Variants in APMAP observed in about 807,000 individuals in gnomAD.
The protein encoded by APMAP is adipocyte plasma membrane-associated protein.
A neutral mutation model predicts 43.6 loss-of-function variants in APMAP; 33 were observed. The ratio of observed to expected loss-of-function variants is 0.76; its 90% CI spans 0.57 to 1.01. The LOEUF is 1.01. APMAP is among the 50% of genes least tolerant of loss of function. The pLI, the probability that APMAP is intolerant of heterozygous loss-of-function variation, is 0.00. For synonymous variants in APMAP, 224 were observed against 216.7 expected, an observed-to-expected ratio of 1.03 and a Z score of -0.30; for missense variants, 498 against 540.7, an observed-to-expected ratio of 0.92 and a Z score of 0.78.
chr20:24,964,088 G>C, intron 8 of APMAP, 66 bp from the exon 9 acceptor site: 1 of 1,517,512 alleles, frequency 6.6e-7, no homozygotes, highest in Non-Finnish European at 9.1e-7. Flanking sequence ...CAGATCAACC[G>C]TGCCGCCCCC....
At chr20:24,966,266 G>A (rs2122479727) in intron 8 of APMAP, among the ~76,000 whole-genome samples, 1 of 152,354 alleles carries the variant, frequency 6.6e-6, no homozygotes, top group South Asian at 2.1e-4. Flanking sequence ...CCTGGCCACA[G>A]ATGGGTAATT....
rs1160513816 is a variant in APMAP, at chr20:24,963,560, A to G, written c.*253T>C. Reference sequence around the variant, plus strand: ...CTTAGAAAGTTTTGTTTTGTTTAAGAGAAAATGGCTTTACATGAATTTATG... The same window carrying G: ...CTTAGAAAGTTTTGTTTTGTTTAAGGGAAAATGGCTTTACATGAATTTATG... On this transcript the variant is annotated 3_prime_UTR_variant, in exon 9 of 9. Coordinates refer to ENST00000217456, the MANE Select transcript of APMAP (RefSeq NM_020531.3). 9.5e-6 allele frequency: 5 copies of G among 524,292 alleles called. No homozygotes were observed. The highest frequency in any genetic ancestry group is 9.5e-5 in the African/African-American group (5 of 52,436). The allele number at this position is 524,292 out of a possible 1,614,324, so 32.5% of individuals were successfully genotyped here.
chr20:24,971,638 G>A (rs1215294434), intron 4 of APMAP, 62 bp from the exon 5 acceptor site: 1 of 1,336,352 alleles, frequency 7.5e-7, no homozygotes, highest in Non-Finnish European at 1.1e-6. Context: ...GCTGTTCTCA[G>A]TATCCAAGCA....
chr20:24,989,307 CA>C (rs1437064718), intron 1 of APMAP, among the ~76,000 whole-genome samples: 1 of 152,092 alleles, frequency 6.6e-6, no homozygotes, highest in Non-Finnish European at 1.5e-5. Flanking sequence ...AGGACATCTG[CA>C]CCCTGAAATT....
chr20:24,969,672 CA>C lies in APMAP; in HGVS notation c.714-13del. 6.2e-7 allele frequency: 1 copy of C among 1,606,416 alleles called. No individual in the cohort carries two copies. Among genetic ancestry groups the C allele is most frequent in the Non-Finnish European group, 8.5e-7 (1 of 1,174,218 alleles). On this transcript the variant is annotated splice_polypyrimidine_tract_variant and intron_variant, in intron 6 of 8. Coordinates refer to ENST00000217456, the MANE Select transcript of APMAP (RefSeq NM_020531.3). ...CATACTCCAGCAGGCTGTGGAACAC[CA>C]AAAGCAGAGGGTTATGGGGGAGAAT...
intron 8 of APMAP, chr20:24,964,520 T>C (rs968579013): frequency 6.3e-5 from 29 of 462,032 alleles, no homozygotes; most frequent in African/African-American, 5.4e-4. Flanking sequence ...CCACACAACA[T>C]GGCTTCCAAA....
chr20:24,992,643 G>T lies in APMAP; in HGVS notation c.46C>A (p.Gln16Lys), dbSNP rs867456006. Residue 16 changes from glutamine (Q) to lysine (K), a missense_variant, in exon 1 of 9, where the codon CAG becomes AAG. Transcript: ENST00000217456. ...TGGCCATCATCGTCTGTGACGACCT[G>T]CGGCCGCAGGGGCCGGCGCTGTCGC... ...GLRQRRPLRPQVVTDDDGQAP... is the reference protein window; with the variant it reads ...GLRQRRPLRPKVVTDDDGQAP... The T allele has an allele frequency of 6.4e-7, 1 of 1,566,770 alleles. No individual in the cohort carries two copies. The highest frequency in any genetic ancestry group is 2.4e-5 in the East Asian group (1 of 41,432).
chr20:24,976,573 TCTCA>T (rs1464835800), intron 3 of APMAP, among the ~76,000 whole-genome samples: 8 of 152,338 alleles, frequency 5.3e-5, no homozygotes, highest in African/African-American at 1.4e-4. Flanking sequence ...CATCAGGAAC[TCTCA>T]CTAATTGTTA....
Position 24,979,679 on chromosome 20 carries a change from TCC to T in APMAP, c.213-799_213-798del, listed in dbSNP as rs1442308664. On this transcript the variant is annotated intron_variant, in intron 2 of 8. Coordinates refer to ENST00000217456, the MANE Select transcript of APMAP (RefSeq NM_020531.3). ...CTTGACCCCTGTAGTCTATTCTCAA[TCC>T]AGCAGCCATGCCGGATCATGACCTT... Among the ~76,000 whole-genome samples, 409 of 152,190 alleles carry T rather than the reference TCC, an allele frequency of 2.7e-3. 2 individuals are homozygous for T. Among genetic ancestry groups the T allele is most frequent in the African/African-American group, 9.6e-3 (398 of 41,514 alleles).
chr20:24,985,566 T>C (rs2088140289), intron 1 of APMAP, among the ~76,000 whole-genome samples: 2 of 152,174 alleles, frequency 1.3e-5, no homozygotes, highest in Non-Finnish European at 2.9e-5. Context: ...AGGACACTCA[T>C]TGTGTGGTAA....
At chr20:24,969,430 CCT>C in intron 7 of APMAP, 94 bp downstream of exon 7, 1 of 1,493,864 alleles carries the variant, frequency 6.7e-7, no homozygotes, top group East Asian at 2.3e-5. Context: ...TGCGCTGCTG[CCT>C]CTGATTTCTG....
chr20:24,970,957 G>C (rs774044683), intron 5 of APMAP, among the ~76,000 whole-genome samples: 1 of 152,074 alleles, frequency 6.6e-6, no homozygotes, highest in Admixed American at 6.5e-5. Context: ...GGGCCCCCAC[G>C]CACAAGACAA....
Position 24,983,940 on chromosome 20 carries a change from T to G in APMAP, c.175A>C (p.Met59Leu). The G allele has an allele frequency of 1.2e-6, 2 of 1,613,864 alleles. No homozygotes were observed. The highest frequency in any genetic ancestry group is 1.3e-5 in the African/African-American group (1 of 74,998). ...GGATCTATAGGAGATTCCAGCAGCA[T>G]CATGGCTCCAAGCAGGGGAACGGTG... ...SLTVPLLGAM[M>L]LLESPIDPQP... The change falls in exon 2 of 9, where the codon ATG becomes CTG. Residue 59 changes from methionine to leucine, a missense_variant. Coordinates refer to ENST00000217456, the MANE Select transcript of APMAP (RefSeq NM_020531.3).
At chr20:24,986,955 G>A (rs796814861) in intron 1 of APMAP, among the ~76,000 whole-genome samples, 6 of 152,308 alleles carry the variant, frequency 3.9e-5, no homozygotes, top group African/African-American at 1.4e-4. Context: ...CCTATTCTAG[G>A]CATTTCATAT....
Position 24,968,965 on chromosome 20 carries a change from A to G in APMAP, c.968T>C (p.Ile323Thr). ...CATGGAAAACCCAGGGTTAGGGCGG[A>G]TGGTCGACATGCCCACCCAGTACCC... ...SGGYWVGMST[I>T]RPNPGFSMLD... Residue 323 changes from isoleucine to threonine, a missense_variant, in exon 8 of 9, where the codon ATC becomes ACC. Physicochemically the swap from Ile to Thr is moderately conservative, Grantham distance 89 (BLOSUM62 -1). Transcript: ENST00000217456. 1 of 1,613,966 alleles carries G rather than the reference A, an allele frequency of 6.2e-7. No homozygotes were observed. The highest frequency in any genetic ancestry group is 8.5e-7 in the Non-Finnish European group (1 of 1,179,954).
At position 24,963,024 on chromosome 20, in the gene APMAP, T is replaced by C. The variant is rs1202479142; in HGVS notation, c.*789A>G. On this transcript the variant is annotated 3_prime_UTR_variant, in exon 9 of 9. Transcript: ENST00000217456. The stretch of plus-strand genomic sequence containing the variant: ...AAAATATACAGCAACTTGGGGCTTA[T>C]AACACATGAGCAAAGATGACATTAA... 3.9e-5 allele frequency: 6 copies of C among 152,204 alleles called. No homozygotes were observed. The East Asian group carries it at 1.2e-3, about 29-fold the overall frequency. 9.4% of individuals were successfully genotyped at this position (152,204 alleles called of 1,614,324 possible).
chr20:24,992,514 T>C (rs2088202892), intron 1 of APMAP, 80 bp downstream of exon 1: 1 of 1,179,442 alleles, frequency 8.5e-7, no homozygotes, highest in African/African-American at 1.6e-5. Flanking sequence ...TTACTGTTAC[T>C]GCCGTCGCCG....
Position 24,965,606 on chromosome 20 carries a change from T to A in APMAP, c.1042-1584A>T, listed in dbSNP as rs1052802644. 5.9e-5 allele frequency among the ~76,000 whole-genome samples: 9 copies of A among 152,070 alleles called. 1 individual carries two copies. The highest frequency in any genetic ancestry group is 2.4e-5 in the African/African-American group (1 of 41,408). ...CCACAGTGAGGCCCAGATCAGGCTGTGAGAGCCCATGCAAGTGAGGAGGTG... is the reference window on the plus strand; with the variant it reads ...CCACAGTGAGGCCCAGATCAGGCTGAGAGAGCCCATGCAAGTGAGGAGGTG... On this transcript the variant is annotated intron_variant, in intron 8 of 8. Transcript: ENST00000217456.
At chr20:24,975,643 C>G (rs1218208528) in intron 3 of APMAP, among the ~76,000 whole-genome samples, 2 of 152,156 alleles carry the variant, frequency 1.3e-5, no homozygotes, top group Non-Finnish European at 2.9e-5. Context: ...AAAATCCCAG[C>G]AAGTTATTTT....
Sources: allele counts gnomAD v4.1 joint callset (sites outside exome capture counted in the v4.1 genomes callset), GRCh38; gene constraint gnomAD v4.1.1; transcripts MANE v1.5; gene names NCBI Gene and HGNC (gene_info 2026-07-23, HGNC 2026-07-21).